VWDE: variants seen among roughly 807,000 people sequenced by gnomAD.
VWDE encodes von Willebrand factor D and EGF domains, also known as von Willebrand factor D and EGF domain-containing protein.
Under a neutral mutation model 178.4 loss-of-function variants are expected in VWDE, and 207 were observed. The ratio of observed to expected loss-of-function variants is 1.16; its 90% CI spans 1.04 to 1.30. The LOEUF (loss-of-function observed/expected upper bound fraction) is 1.30. VWDE is among the 50% of genes most tolerant of loss of function. The pLI is 0.00. For synonymous variants in VWDE, 738 were observed against 651.4 expected, an observed-to-expected ratio of 1.13 and a Z score of -2.02; for missense variants, 2,287 against 1,901.3, an observed-to-expected ratio of 1.20 and a Z score of -3.77.
In VWDE at chr7:12,344,308, C is replaced by T. The variant is rs1473553862; in HGVS notation, c.3983-18G>A. ...ACAAAGAGCTGTATAAAATAAAGCC[C>T]AAGTTTTAGACATATCAATTACCAA... On this transcript the variant is annotated intron_variant, in intron 20 of 28. Coordinates refer to ENST00000275358, the MANE Select transcript of VWDE (RefSeq NM_001135924.3). The T allele has an allele frequency of 6.5e-7, 1 of 1,550,324 alleles. No homozygotes were observed. The highest frequency in any genetic ancestry group is 8.7e-7 in the Non-Finnish European group (1 of 1,146,080).
In VWDE at chr7:12,342,121, T is replaced by C. The variant is rs1368547615; in HGVS notation, c.4208A>G (p.Gln1403Arg). ...CTGGCAAATATCTGGTGTAAGACAC[T>C]GGCCTCCATTTTCACAGTGCCTGTT... ...VCNRHCENGG[Q>R]CLTPDICQCK... The change falls in exon 23 of 29, where the codon CAG (glutamine) becomes CGG (arginine). Residue 1403 changes from glutamine (Q) to arginine (R), a missense_variant. Gln to Arg is a conservative substitution (Grantham distance 43). Coordinates refer to ENST00000275358, the MANE Select transcript of VWDE (RefSeq NM_001135924.3). 1.3e-6 allele frequency: 2 copies of C among 1,551,462 alleles called. No individual in the cohort carries two copies. The highest frequency in any genetic ancestry group is 2.7e-5 in the African/African-American group (2 of 73,048).
At chr7:12,366,149 G>A (rs1233855792) in intron 13 of VWDE, among the ~76,000 whole-genome samples, 1 of 152,010 alleles carries the variant, frequency 6.6e-6, no homozygotes, top group Non-Finnish European at 1.5e-5. Context: ...CCAGCCATGT[G>A]GAACTGTGAG....
Position 12,351,554 on chromosome 7 carries a change from A to T in VWDE, c.3886+19T>A. The T allele has an allele frequency of 3.3e-6, 5 of 1,532,738 alleles. No homozygotes were observed. The highest frequency in any genetic ancestry group is 4.4e-6 in the Non-Finnish European group (5 of 1,140,940). The allele number at this position is 1,532,738 out of a possible 1,614,324, so 94.9% of individuals were successfully genotyped here. A position where few individuals can be genotyped will look rare whatever the true frequency, so the allele number is the denominator to read the frequency against. ...GAGGAATTACTTGTCATTAGATTTT[A>T]ACTATGACCATTACTTACTGAAGGC... On this transcript the variant is annotated intron_variant, in intron 19 of 28. Coordinates refer to ENST00000275358, the MANE Select transcript of VWDE (RefSeq NM_001135924.3).
At chr7:12,401,453 G>C (rs1784889601) in intron 1 of VWDE, among the ~76,000 whole-genome samples, 1 of 151,994 alleles carries the variant, frequency 6.6e-6, no homozygotes, top group South Asian at 2.1e-4. Context: ...AACTCAATAA[G>C]AAAAAGGCCA....
rs1781494735 is a variant in VWDE at position 12,344,416 on chromosome 7, A to C, written c.3940T>G (p.Cys1314Gly). ...KSRECVAPNI[C>G]KCKPGYIGSN... ...CCAATGTAACCAGGTTTACATTTGC[A>C]GATGTTTGGGGCAACACACTCCCTA... Residue 1314 changes from cysteine to glycine, a missense_variant, in exon 20 of 29, where the codon TGC (cysteine) becomes GGC (glycine). Cys to Gly is a radical substitution (Grantham distance 159). Transcript: ENST00000275358. 1 of 1,551,002 alleles carries C rather than the reference A, an allele frequency of 6.4e-7. No individual in the cohort carries two copies. The highest frequency in any genetic ancestry group is 1.4e-5 in the African/African-American group (1 of 73,020).
At chr7:12,403,356 T>G (rs1001494232) in intron 1 of VWDE, among the ~76,000 whole-genome samples, 1 of 152,132 alleles carries the variant, frequency 6.6e-6, no homozygotes, top group African/African-American at 2.4e-5. Flanking sequence ...TACAGTAAAT[T>G]ACAATGACCT....
Position 12,351,453 on chromosome 7 carries a change from T to C in VWDE, c.3886+120A>G, listed in dbSNP as rs527251630. 84 of 1,083,272 alleles carry C rather than the reference T, an allele frequency of 7.8e-5. No individual in the cohort carries two copies. The Middle Eastern group carries it at 8.7e-4, about 11-fold the overall frequency. 67.1% of individuals were successfully genotyped at this position (1,083,272 alleles called of 1,614,324 possible). ...AAAGGATAAATTTTAAACCGCATCA[T>C]ATAACCTTTAGGTGATCTTTCTAAA... On this transcript the variant is annotated intron_variant, in intron 19 of 28. Coordinates refer to ENST00000275358, the MANE Select transcript of VWDE (RefSeq NM_001135924.3).
chr7:12,399,000 T>A (rs1292950717), intron 1 of VWDE, among the ~76,000 whole-genome samples: 4 of 152,148 alleles, frequency 2.6e-5, no homozygotes, highest in Non-Finnish European at 4.4e-5. Context: ...CATCATGCGA[T>A]GTACCTTTGT....
intron 2 of VWDE, among the ~76,000 whole-genome samples, chr7:12,392,808 CAA>C (rs201563504): frequency 4.5e-5 from 6 of 132,156 alleles, no homozygotes; most frequent in African/African-American, 8.0e-5. Flanking sequence ...AGTTAAGTTG[CAA>C]AAAAAAAAAA....
intron 2 of VWDE, 123 bp from the exon 3 acceptor site, chr7:12,389,481 G>T (rs1784275292): frequency 1.4e-6 from 1 of 709,880 alleles, no homozygotes. Flanking sequence ...AAAAATTATG[G>T]CTTGTACCTG....
rs556890448 is a variant in VWDE at position 12,383,798 on chromosome 7, T to C, written c.476-197A>G. ...GATAAGGCATCATATTTCAAAACAA[T>C]CAAAGCTTTAATATCTTATTTTCTA... On this transcript the variant is annotated intron_variant, in intron 3 of 28. Transcript: ENST00000275358. Among the ~76,000 whole-genome samples, 9 of 152,264 alleles carry C rather than the reference T, an allele frequency of 5.9e-5. 1 individual carries two copies. The highest frequency in any genetic ancestry group is 2.9e-5 in the Non-Finnish European group (2 of 67,986).
chr7:12,374,807 T>C (rs1232006744), intron 8 of VWDE, 45 bp from the exon 9 acceptor site: 1 of 1,274,116 alleles, frequency 7.8e-7, no homozygotes, highest in African/African-American at 1.5e-5. Flanking sequence ...ATTAATTATA[T>C]TTAGTGATAT....
In VWDE at chr7:12,351,639, C is replaced by T. The variant is rs1188014611; in HGVS notation, c.3820G>A (p.Glu1274Lys). 1 of 1,547,108 alleles carries T rather than the reference C, an allele frequency of 6.5e-7. No individual in the cohort carries two copies. The highest frequency in any genetic ancestry group is 8.7e-7 in the Non-Finnish European group (1 of 1,145,462). The change falls in exon 19 of 29, where the codon GAA (glutamate) becomes AAA (lysine). Residue 1274 changes from glutamate (E) to lysine (K), a missense_variant. Transcript: ENST00000275358. ...CCTTGGGCATTTTTATCATCCTCTT[C>T]TTTATTTACACTTTTATCAGATCTT... The part of the protein sequence containing the change: ...LTRSDKSVNK[E>K]EDDKNAQGRK...
rs199721975 is a variant in VWDE at position 12,372,978 on chromosome 7, G to T, written c.1586C>A (p.Thr529Lys). 1.6e-3 allele frequency: 2,513 copies of T among 1,550,532 alleles called. 6 individuals are homozygous for T. Among genetic ancestry groups the T allele is most frequent in the Non-Finnish European group, 2.1e-3 (2,364 of 1,146,312 alleles). Reference protein sequence around the residue: ...ISESYLGRKVTIWFSSGAFIR... With the variant: ...ISESYLGRKVKIWFSSGAFIR... ...TCAATGTTAAAGAATCATACATACTGTGACTTTTCTTCCTAAGTAAGATTC... is the reference window on the plus strand; with the variant it reads ...TCAATGTTAAAGAATCATACATACTTTGACTTTTCTTCCTAAGTAAGATTC... Residue 529 changes from threonine to lysine, a missense_variant and splice_region_variant, in exon 10 of 29, where the codon ACA (threonine) becomes AAA (lysine). By Grantham distance (78) the Thr-to-Lys change is moderately conservative. Transcript: ENST00000275358.
At chr7:12,357,114 T>C in intron 17 of VWDE, 151 bp downstream of exon 17, 4 of 970,472 alleles carry the variant, frequency 4.1e-6, no homozygotes, top group Non-Finnish European at 5.9e-6. Context: ...TTACAAAGAA[T>C]AGTCAAAGTT....
At chr7:12,403,594 C>T in intron 1 of VWDE, 65 bp downstream of exon 1, 1 of 1,483,080 alleles carries the variant, frequency 6.7e-7, no homozygotes. Context: ...AAAGTCTAGC[C>T]TAGTCCCTCT....
intron 5 of VWDE, 137 bp downstream of exon 5, chr7:12,380,349 G>A (rs1033388411): frequency 3.8e-5 from 44 of 1,161,148 alleles, no homozygotes; most frequent in South Asian, 2.4e-4. Flanking sequence ...ACAATTGCAA[G>A]GAAAAAAAAA....
At chr7:12,394,014 C>T (rs368670535) in intron 1 of VWDE, among the ~76,000 whole-genome samples, 10 of 152,108 alleles carry the variant, frequency 6.6e-5, no homozygotes, top group African/African-American at 2.4e-4. Flanking sequence ...ACTTTTGAAA[C>T]ACTTAAGCTT....
rs370189416 is a variant in VWDE, at chr7:12,369,494, T to C, written c.2761+51A>G. 6.7e-5 allele frequency: 98 copies of C among 1,463,450 alleles called. 1 individual carries two copies. The East Asian group carries it at 1.4e-3, about 21-fold the overall frequency. The allele number at this position is 1,463,450 out of a possible 1,614,324, so 90.7% of individuals were successfully genotyped here. On this transcript the variant is annotated intron_variant, in intron 12 of 28. Transcript: ENST00000275358. ...GGGTGAAATAAAGATCAAACACATT[T>C]TTATAATGAAATATCACATGCAATA...
Sources: gnomAD v4.1 joint callset for allele counts (sites outside exome capture counted in the v4.1 genomes callset) on GRCh38, gnomAD v4.1.1 for gene constraint, MANE v1.5 for transcripts, NCBI Gene and HGNC (gene_info 2026-07-23, HGNC 2026-07-21) for gene names.